The following ADGRL3 variants were observed in gnomAD, a reference collection of about 807,000 sequenced individuals.
ADGRL3 encodes calcium-independent alpha-latrotoxin receptor 3.
In ADGRL3, 62 loss-of-function variants were observed where a neutral mutation model predicts 153.5. That is an observed-to-expected ratio of 0.40 (90% CI 0.33 to 0.50). The LOEUF (loss-of-function observed/expected upper bound fraction) is 0.50. Ranked by LOEUF, ADGRL3 falls within the 20% of genes least tolerant of loss-of-function variation. ADGRL3 has a pLI of 0.47. For missense variants in ADGRL3, 1,641 were observed against 1,859.4 expected (o/e 0.88, Z 2.16); for synonymous variants, 710 against 672.5 (o/e 1.06, Z -0.86).
chr4:61,243,998 A>T (rs2149355772), intron 1 of ADGRL3, among the ~76,000 whole-genome samples: 1 of 152,166 alleles, frequency 6.6e-6, no homozygotes, highest in South Asian at 2.1e-4. Context: ...TGTATTGGCA[A>T]TTGTAAATAA....
At chr4:61,857,024 CCT>C in intron 9 of ADGRL3, among the ~76,000 whole-genome samples, 1 of 146,104 alleles carries the variant, frequency 6.8e-6, no homozygotes. Context: ...TTCCTTCCTC[CCT>C]TCCTTCCTTC....
At chr4:61,653,052 T>C (rs547813199) in intron 5 of ADGRL3, among the ~76,000 whole-genome samples, 2 of 152,108 alleles carry the variant, frequency 1.3e-5, no homozygotes, top group Admixed American at 1.3e-4. Context: ...CCTTAACTTA[T>C]TTAAGGTTAA....
intron 9 of ADGRL3, among the ~76,000 whole-genome samples, chr4:61,869,961 AGAGAGAGAGAG>A (rs1368460150): frequency 4.7e-4 from 44 of 93,898 alleles, no homozygotes; most frequent in African/African-American, 8.2e-4. Flanking sequence ...AAAAAAAAAA[AGAGAGAGAGAG>A]AGAAAGAGAG....
intron 8 of ADGRL3, among the ~76,000 whole-genome samples, chr4:61,810,421 A>G (rs139878283): frequency 3.3e-5 from 5 of 152,276 alleles, no homozygotes; most frequent in African/African-American, 9.6e-5. Context: ...ATAAGCTATC[A>G]AATGTCTTTC....
At chr4:61,484,215 GT>G (rs2098164829) in intron 2 of ADGRL3, among the ~76,000 whole-genome samples, 1 of 152,086 alleles carries the variant, frequency 6.6e-6, no homozygotes, top group Non-Finnish European at 1.5e-5. Flanking sequence ...ATAAGGCTAA[GT>G]GAGATGAATG....
At chr4:61,839,273 C>T (rs1034555053) in intron 9 of ADGRL3, among the ~76,000 whole-genome samples, 1 of 152,064 alleles carries the variant, frequency 6.6e-6, no homozygotes, top group Non-Finnish European at 1.5e-5. Context: ...TCACTGCAGC[C>T]TCGACCTCCT....
intron 25 of ADGRL3, chr4:62,063,699 A>C (rs981352340): frequency 1.4e-5 from 8 of 560,350 alleles, no homozygotes; most frequent in Admixed American, 2.7e-5. Context: ...TTATGGGCAA[A>C]TTCTATTTTT....
At chr4:61,964,989 T>C (rs2099000772) in intron 17 of ADGRL3, among the ~76,000 whole-genome samples, 1 of 152,064 alleles carries the variant, frequency 6.6e-6, no homozygotes, top group African/African-American at 2.4e-5. Context: ...TCCGTAATTG[T>C]TTTTCTTTTT....
intron 1 of ADGRL3, among the ~76,000 whole-genome samples, chr4:61,254,206 G>A (rs1054814641): frequency 3.3e-5 from 5 of 152,034 alleles, no homozygotes; most frequent in African/African-American, 9.7e-5. Context: ...AGCATTCACC[G>A]TACAGTCCCC....
At chr4:61,925,443 G>A (rs2098790332) in intron 13 of ADGRL3, among the ~76,000 whole-genome samples, 1 of 152,014 alleles carries the variant, frequency 6.6e-6, no homozygotes, top group Non-Finnish European at 1.5e-5. Flanking sequence ...GGCTGTTTTT[G>A]TGCTGCTGTA....
chr4:61,566,645 A>T (rs2149063316), intron 4 of ADGRL3, among the ~76,000 whole-genome samples: 1 of 152,252 alleles, frequency 6.6e-6, no homozygotes, highest in East Asian at 1.9e-4. Flanking sequence ...AGTGTATCTG[A>T]TGAAGATAAA....
chr4:62,000,367 A>G (rs1314083631), intron 21 of ADGRL3, among the ~76,000 whole-genome samples: 5 of 151,944 alleles, frequency 3.3e-5, no homozygotes, highest in Non-Finnish European at 7.4e-5. Flanking sequence ...AGTTTAAAAT[A>G]TCAATTTGTT....
intron 8 of ADGRL3, among the ~76,000 whole-genome samples, chr4:61,750,060 A>G (rs1339062589): frequency 6.6e-6 from 1 of 151,852 alleles, no homozygotes; most frequent in East Asian, 1.9e-4. Flanking sequence ...GTGGAGCTGA[A>G]CCGTGCCACT....
In ADGRL3 at chr4:61,976,244, G is replaced by A. The variant is rs191235754; in HGVS notation, c.2806-3319G>A. 1.6e-4 allele frequency among the ~76,000 whole-genome samples: 25 copies of A among 152,228 alleles called. No individual in the cohort carries two copies. The East Asian group carries it at 4.1e-3, about 25-fold the overall frequency. ...TGCAATCTCAGAAATAGGAATCCTTGTGCCATTATCACATTGGTACAACTA... is the reference window on the plus strand; with the variant it reads ...TGCAATCTCAGAAATAGGAATCCTTATGCCATTATCACATTGGTACAACTA... On this transcript the variant is annotated intron_variant, in intron 17 of 26. Coordinates refer to ENST00000683033, the MANE Select transcript of ADGRL3 (RefSeq NM_001387552.1).
chr4:61,238,973 G>T (rs1389901859), intron 1 of ADGRL3, among the ~76,000 whole-genome samples: 1 of 151,968 alleles, frequency 6.6e-6, no homozygotes, highest in Non-Finnish European at 1.5e-5. Flanking sequence ...GGAGCTGCAG[G>T]CTTTTTAGAC....
At chr4:61,321,977 C>A (rs1280862936) in intron 1 of ADGRL3, among the ~76,000 whole-genome samples, 1 of 152,172 alleles carries the variant, frequency 6.6e-6, no homozygotes, top group East Asian at 1.9e-4. Context: ...TGTATTAGTC[C>A]ATTTTCACAC....
chr4:61,612,236 T>G (rs1364217928), intron 5 of ADGRL3, among the ~76,000 whole-genome samples: 2 of 152,156 alleles, frequency 1.3e-5, no homozygotes, highest in Non-Finnish European at 2.9e-5. Context: ...TTGGCATGAT[T>G]TTGATACCCT....
chr4:61,777,260 G>C (rs1376367171), intron 8 of ADGRL3, among the ~76,000 whole-genome samples: 1 of 151,910 alleles, frequency 6.6e-6, no homozygotes. Flanking sequence ...CTGAACCTGC[G>C]AGGCGGAGCT....
Position 61,451,216 on chromosome 4 carries a change from A to C in ADGRL3, c.-173-45905A>C, listed in dbSNP as rs145777859. ...AAATATACAGACAAGAGTTTGGACTATGTAAGAATTGTTACTGTGATAATT... is the reference window on the plus strand; with the variant it reads ...AAATATACAGACAAGAGTTTGGACTCTGTAAGAATTGTTACTGTGATAATT... On this transcript the variant is annotated intron_variant, in intron 2 of 26. Coordinates refer to ENST00000683033, the MANE Select transcript of ADGRL3 (RefSeq NM_001387552.1). 2.8e-3 allele frequency among the ~76,000 whole-genome samples: 427 copies of C among 152,272 alleles called. 1 individual carries two copies. The highest frequency in any genetic ancestry group is 9.9e-3 in the African/African-American group (410 of 41,566).
Sources: gnomAD v4.1 joint callset for allele counts (sites outside exome capture counted in the v4.1 genomes callset) on GRCh38, gnomAD v4.1.1 for gene constraint, MANE v1.5 for transcripts, NCBI Gene and HGNC (gene_info 2026-07-23, HGNC 2026-07-21) for gene names.